The following CD101 variants were observed in gnomAD, a reference collection of about 807,000 sequenced individuals.
CD101 encodes the protein immunoglobulin superfamily member 2.
CD101 carries 76 observed loss-of-function variants against 98.2 expected under a neutral mutation model. The observed-to-expected ratio is 0.77, with a 90% CI of 0.64 to 0.94. CD101 has a LOEUF of 0.94. CD101 is among the 40% of genes least tolerant of loss of function. The pLI, the probability that CD101 is intolerant of heterozygous loss-of-function variation, is 0.00. For missense variants in CD101, 1,145 were observed against 1,218.8 expected (o/e 0.94, Z 0.90); for synonymous variants, 471 against 472.7 (o/e 1.00, Z 0.05).
chr1:117,013,295 A>G lies in CD101; in HGVS notation c.842-111A>G, dbSNP rs1053641392. 6.1e-6 allele frequency: 8 copies of G among 1,306,438 alleles called. No individual in the cohort carries two copies. In the Admixed American group the frequency reaches 1.9e-4, roughly 31 times the overall value. 80.9% of individuals were successfully genotyped at this position (1,306,438 alleles called of 1,614,324 possible). ...CCTACCGCTATAGAATTGAACTCCCACATAAAATGTGATCCCTGTGACATC... is the reference window on the plus strand; with the variant it reads ...CCTACCGCTATAGAATTGAACTCCCGCATAAAATGTGATCCCTGTGACATC... On this transcript the variant is annotated intron_variant, in intron 3 of 9. Transcript: ENST00000682167.
chr1:117,002,624 G>A (rs1471586614), intron 1 of CD101, among the ~76,000 whole-genome samples: 2 of 152,166 alleles, frequency 1.3e-5, no homozygotes, highest in Non-Finnish European at 2.9e-5. Flanking sequence ...TGTTTAAAAT[G>A]CATAAAATAA....
chr1:117,013,806 A>T lies in CD101; in HGVS notation c.1228+14A>T. The T allele has an allele frequency of 6.2e-7, 1 of 1,600,410 alleles. No homozygotes were observed. Among genetic ancestry groups the T allele is most frequent in the Non-Finnish European group, 8.5e-7 (1 of 1,173,506 alleles). ...GGAAGCCAGCAGGTACGTAAAGTCA[A>T]GGCCAGGCATGCATTGGGCTGCTTT... is the stretch of plus-strand genomic sequence containing the variant. On this transcript the variant is annotated intron_variant, in intron 4 of 9. Transcript: ENST00000682167.
chr1:117,005,872 G>C lies in CD101; in HGVS notation c.44-3978G>C, dbSNP rs554747391. On this transcript the variant is annotated intron_variant, in intron 1 of 9. Coordinates refer to ENST00000682167, the MANE Select transcript of CD101 (RefSeq NM_001256106.3). The surrounding 1 kb of genome is among the most constrained non-coding windows in gnomAD (Gnocchi z 4.4). ...CATAACTAAATATGGGAATATCACA[G>C]GGTTTTTGAAAGGATTCGATTACAA... is the stretch of plus-strand genomic sequence containing the variant. 6.6e-6 allele frequency among the ~76,000 whole-genome samples: 1 copy of C among 151,948 alleles called. No homozygotes were observed.
At position 117,004,073 on chromosome 1, in the gene CD101, G is replaced by A. The variant is rs1346486083; in HGVS notation, c.43+2213G>A. 1.3e-5 allele frequency among the ~76,000 whole-genome samples: 2 copies of A among 152,136 alleles called. No individual in the cohort carries two copies. Among genetic ancestry groups the A allele is most frequent in the African/African-American group, 4.8e-5 (2 of 41,424 alleles). The stretch of plus-strand genomic sequence containing the variant: ...ATGGGTAAATGAGTTCTCGGATTTA[G>A]CAGTTAGCTTTGTCTGCTTGATCTA... On this transcript the variant is annotated intron_variant, in intron 1 of 9. Coordinates refer to ENST00000682167, the MANE Select transcript of CD101 (RefSeq NM_001256106.3). This position sits in a 1 kb window ranked among gnomAD's most constrained non-coding sequence, Gnocchi z 4.1.
intron 8 of CD101, among the ~76,000 whole-genome samples, chr1:117,029,303 AAAGAAAGAAAG>A (rs772483397): frequency 4.7e-5 from 7 of 149,800 alleles, no homozygotes; most frequent in African/African-American, 1.2e-4. Context: ...CCAACATCTG[AAAGAAAGAAAG>A]AAGAAAGAAA....
In CD101 at chr1:117,010,317, A is replaced by G; in HGVS notation, c.424+87A>G. 1 of 1,412,716 alleles carries G rather than the reference A, an allele frequency of 7.1e-7. No individual in the cohort carries two copies. Among genetic ancestry groups the G allele is most frequent in the Non-Finnish European group, 9.6e-7 (1 of 1,043,612 alleles). 87.5% of individuals were successfully genotyped at this position (1,412,716 alleles called of 1,614,324 possible). ...ATATCTTGCAATATGACATGGCTTTATATTGTTCCATTTTCTTTGGGAAAA... is the reference window on the plus strand; with the variant it reads ...ATATCTTGCAATATGACATGGCTTTGTATTGTTCCATTTTCTTTGGGAAAA... On this transcript the variant is annotated intron_variant, in intron 2 of 9. Transcript: ENST00000682167. The surrounding 1 kb of genome is among the most constrained non-coding windows in gnomAD (Gnocchi z 5.2).
At position 117,009,980 on chromosome 1, in the gene CD101, G is replaced by A. The variant is rs1476096388; in HGVS notation, c.174G>A (p.Trp58Ter). The change falls in exon 2 of 10, where the codon TGG becomes TGA. Residue 58 changes from tryptophan to a stop codon, truncating the protein, a stop_gained. Transcript: ENST00000682167. LOFTEE classifies it high-confidence loss of function. Reference protein sequence around the residue: ...HQGPSEQHFQWSVYLPTNPTQ... With the variant: ...HQGPSEQHFQ ...GACCTTCTGAGCAGCATTTCCAGTG[G>A]TCTGTTTACCTGCCGACAAACCCGA... The A allele has an allele frequency of 1.2e-6, 2 of 1,614,048 alleles. No homozygotes were observed. Among genetic ancestry groups the A allele is most frequent in the Non-Finnish European group, 8.5e-7 (1 of 1,180,040 alleles).
chr1:117,025,353 A>C, intron 7 of CD101, 156 bp from the exon 8 acceptor site: 1 of 595,078 alleles, frequency 1.7e-6, no homozygotes, highest in Non-Finnish European at 2.7e-6. Context: ...ACAGAGCAAG[A>C]CTCTGTCTCA....
Position 117,021,751 on chromosome 1 carries a change from A to T in CD101, c.2196A>T (p.Gln732His). 6.2e-7 allele frequency: 1 copy of T among 1,614,172 alleles called. No individual in the cohort carries two copies. Among genetic ancestry groups the T allele is most frequent in the African/African-American group, 1.3e-5 (1 of 75,044 alleles). ...ASWLKILEMD[Q>H]TNVIKTGDEF... Reference sequence around the variant, plus strand: ...GGCTAAAGATCCTGGAGATGGACCAAACCAATGTTATAAAAACTGGGGATG... The same window carrying T: ...GGCTAAAGATCCTGGAGATGGACCATACCAATGTTATAAAAACTGGGGATG... Residue 732 changes from glutamine to histidine, a missense_variant, in exon 7 of 10, where the codon CAA (glutamine) becomes CAT (histidine). Coordinates refer to ENST00000682167, the MANE Select transcript of CD101 (RefSeq NM_001256106.3). This position sits in a 1 kb window ranked among gnomAD's most constrained non-coding sequence, Gnocchi z 4.7.
rs990416353 is a variant in CD101 at position 117,033,634 on chromosome 1, G to A, written c.2825-226G>A. 2.0e-5 allele frequency among the ~76,000 whole-genome samples: 3 copies of A among 152,140 alleles called. No homozygotes were observed. The highest frequency in any genetic ancestry group is 4.4e-5 in the Non-Finnish European group (3 of 68,034). ...TAGGTCATTGGAACCTCCAGTGGTT[G>A]GAAATCGCAGGGCAAGGGGCTGTTG... On this transcript the variant is annotated intron_variant, in intron 8 of 9. Coordinates refer to ENST00000682167, the MANE Select transcript of CD101 (RefSeq NM_001256106.3). The surrounding 1 kb of genome is among the most constrained non-coding windows in gnomAD (Gnocchi z 4.8).
chr1:117,031,599 T>C (rs1654471498), intron 8 of CD101, among the ~76,000 whole-genome samples: 1 of 152,238 alleles, frequency 6.6e-6, no homozygotes, highest in Non-Finnish European at 1.5e-5. Context: ...CCCTGTTCTC[T>C]GTCTGTTCTC....
rs2101139273 is a variant in CD101 at position 117,022,370 on chromosome 1, A to G, written c.2428+387A>G. Reference sequence around the variant, plus strand: ...TACGAAGCATATTTCTCCCACTGTGAACAGAAACTGTACAACTCTATGGGG... The same window carrying G: ...TACGAAGCATATTTCTCCCACTGTGGACAGAAACTGTACAACTCTATGGGG... On this transcript the variant is annotated intron_variant, in intron 7 of 9. Transcript: ENST00000682167. The surrounding 1 kb of genome is among the most constrained non-coding windows in gnomAD (Gnocchi z 4.8). Among the ~76,000 whole-genome samples the G allele has an allele frequency of 6.6e-6, 1 of 152,298 alleles. No individual in the cohort carries two copies. The highest frequency in any genetic ancestry group is 1.5e-5 in the Non-Finnish European group (1 of 68,028).
In CD101 at chr1:117,018,208, C is replaced by T. The variant is rs142902665; in HGVS notation, c.1665C>T (p.Thr555=). Residue 555 remains threonine, a synonymous_variant, in exon 6 of 10, where the codon ACC becomes ACT. Coordinates refer to ENST00000682167, the MANE Select transcript of CD101 (RefSeq NM_001256106.3). The surrounding 1 kb of genome is among the most constrained non-coding windows in gnomAD (Gnocchi z 4.3). ...GCCGTCAGCCGCAAGTGATGTTAACCAACACCTTTGACCTGTCCTGTGTCG... is the reference window on the plus strand; with the variant it reads ...GCCGTCAGCCGCAAGTGATGTTAACTAACACCTTTGACCTGTCCTGTGTCG... The part of the protein sequence containing the change: ...LMSRQPQVML[T]NTFDLSCVVR... The T allele has an allele frequency of 8.7e-6, 14 of 1,612,266 alleles. No individual in the cohort carries two copies. The highest frequency in any genetic ancestry group is 1.2e-5 in the Non-Finnish European group (14 of 1,178,896).
intron 1 of CD101, among the ~76,000 whole-genome samples, 180 bp from the exon 2 acceptor site, chr1:117,009,670 T>C (rs12081378): frequency 5.5e-4 from 84 of 152,366 alleles, no homozygotes; most frequent in African/African-American, 1.7e-3. Flanking sequence ...AACAATTAAC[T>C]CATCAAGCAA....
In CD101 at chr1:117,017,193, T is replaced by A. The variant is rs149850782; in HGVS notation, c.1332T>A (p.Ser444=). Residue 444 remains serine, a synonymous_variant, in exon 5 of 10, where the codon TCT becomes TCA. Coordinates refer to ENST00000682167, the MANE Select transcript of CD101 (RefSeq NM_001256106.3). The stretch of plus-strand genomic sequence containing the variant: ...CTGGTGGAGCTGAAAGTCCCCTGTC[T>A]GTGAGCTGGTGGCACATCCCACGGG... The part of the protein sequence containing the change: ...CKAGGAESPL[S]VSWWHIPRDQ... 8.1e-6 allele frequency: 13 copies of A among 1,614,236 alleles called. No homozygotes were observed. Among genetic ancestry groups the A allele is most frequent in the African/African-American group, 6.7e-5 (5 of 75,054 alleles).
rs1203273595 is a variant in CD101, at chr1:117,012,919, T to C, written c.842-487T>C. Among the ~76,000 whole-genome samples, 7 of 152,176 alleles carry C rather than the reference T, an allele frequency of 4.6e-5. No homozygotes were observed. The highest frequency in any genetic ancestry group is 1.0e-4 in the Non-Finnish European group (7 of 68,042). On this transcript the variant is annotated intron_variant, in intron 3 of 9. Transcript: ENST00000682167. The surrounding 1 kb of genome is among the most constrained non-coding windows in gnomAD (Gnocchi z 4.0). Reference sequence around the variant, plus strand: ...TATTATTGTGTTCCACTAAAAATTGTCCTGTTGGCCTCAAGTATCCAAGTT... The same window carrying C: ...TATTATTGTGTTCCACTAAAAATTGCCCTGTTGGCCTCAAGTATCCAAGTT...
rs766144147 is a variant in CD101, at chr1:117,033,837, T to C, written c.2825-23T>C. ...CAAATAAGTTGGAGATGAATTACTCTCTTGTTTCTCCCTTCGTTGCAGAGC... is the reference window on the plus strand; with the variant it reads ...CAAATAAGTTGGAGATGAATTACTCCCTTGTTTCTCCCTTCGTTGCAGAGC... On this transcript the variant is annotated intron_variant, in intron 8 of 9. Coordinates refer to ENST00000682167, the MANE Select transcript of CD101 (RefSeq NM_001256106.3). This position sits in a 1 kb window ranked among gnomAD's most constrained non-coding sequence, Gnocchi z 4.8. 5 of 1,613,696 alleles carry C rather than the reference T, an allele frequency of 3.1e-6. No individual in the cohort carries two copies. The South Asian group carries it at 5.5e-5, about 18-fold the overall frequency.
chr1:117,022,038 C>A lies in CD101; in HGVS notation c.2428+55C>A. 6.5e-7 allele frequency: 1 copy of A among 1,535,134 alleles called. No individual in the cohort carries two copies. Among genetic ancestry groups the A allele is most frequent in the South Asian group, 1.3e-5 (1 of 77,372 alleles). ...TCTGTCTGTCTGACGGCTGTTTTCT[C>A]TTGGGCAGCTGTTCTATGGAGTGAT... On this transcript the variant is annotated intron_variant, in intron 7 of 9. Transcript: ENST00000682167. The surrounding 1 kb of genome is among the most constrained non-coding windows in gnomAD (Gnocchi z 4.8).
chr1:117,013,881 C>T (rs1653048152), intron 4 of CD101, 89 bp downstream of exon 4: 4 of 1,340,184 alleles, frequency 3.0e-6, no homozygotes, highest in Admixed American at 2.7e-5. Flanking sequence ...CAATGGGGAT[C>T]TTCATGAAGA....
Sources: allele counts gnomAD v4.1 joint callset (sites outside exome capture counted in the v4.1 genomes callset), GRCh38; gene constraint gnomAD v4.1.1; non-coding constraint Gnocchi (gnomAD v3.1); transcripts MANE v1.5; gene names NCBI Gene and HGNC (gene_info 2026-07-23, HGNC 2026-07-21).